CSMD1: variants seen among roughly 807,000 people sequenced by gnomAD.
CSMD1 encodes CUB and sushi domain-containing protein 1.
A neutral mutation model predicts 417.5 loss-of-function variants in CSMD1; 213 were observed. The observed-to-expected ratio is 0.51, with a 90% CI of 0.46 to 0.57. The LOEUF is 0.57. CSMD1 is among the 20% of genes least tolerant of loss of function. CSMD1 has a pLI of 0.00. For synonymous variants in CSMD1, 2,862 were observed against 1,736.8 expected (o/e 1.65, Z -16.11); for missense variants, 6,923 against 4,529.7 (o/e 1.53, Z -15.17).
chr8:4,464,098 A>C (rs987968169), intron 2 of CSMD1, among the ~76,000 whole-genome samples: 3 of 152,184 alleles, frequency 2.0e-5, no homozygotes, highest in East Asian at 1.9e-4. Flanking sequence ...CAGTTTTCTA[A>C]AAGAATGAGA....
At chr8:4,465,916 G>C (rs890275623) in intron 2 of CSMD1, among the ~76,000 whole-genome samples, 1 of 152,152 alleles carries the variant, frequency 6.6e-6, no homozygotes, top group African/African-American at 2.4e-5. Context: ...CACAGCCATA[G>C]AAGAAGGAAA....
intron 5 of CSMD1, among the ~76,000 whole-genome samples, chr8:3,919,076 G>A (rs947653865): frequency 1.3e-5 from 2 of 151,290 alleles, no homozygotes; most frequent in Non-Finnish European, 1.5e-5. Flanking sequence ...CCATTCCATA[G>A]GGTGATTTTT....
intron 3 of CSMD1, among the ~76,000 whole-genome samples, chr8:4,240,686 T>C (rs746748257): frequency 1.3e-5 from 2 of 152,174 alleles, no homozygotes; most frequent in Non-Finnish European, 2.9e-5. Context: ...CATCCCCTAA[T>C]GTAAATGTAC....
chr8:3,641,336 A>C (rs1490674867), intron 7 of CSMD1, among the ~76,000 whole-genome samples: 3 of 152,106 alleles, frequency 2.0e-5, no homozygotes, highest in Non-Finnish European at 4.4e-5. Flanking sequence ...AATGGAACCA[A>C]CAATCCCCAA....
chr8:4,374,930 G>T (rs1017551708), intron 3 of CSMD1, among the ~76,000 whole-genome samples: 18 of 109,048 alleles, frequency 1.7e-4, no homozygotes, highest in Admixed American at 5.8e-4. Flanking sequence ...CAGAGTCTTA[G>T]AAAACAATGA....
At chr8:4,159,267 C>T (rs1463699131) in intron 3 of CSMD1, among the ~76,000 whole-genome samples, 3 of 152,108 alleles carry the variant, frequency 2.0e-5, no homozygotes, top group Non-Finnish European at 2.9e-5. Flanking sequence ...ATTGGGGTAG[C>T]ATTTAGTGTA....
chr8:3,563,542 T>C (rs1244569258), intron 10 of CSMD1, among the ~76,000 whole-genome samples: 1 of 146,536 alleles, frequency 6.8e-6, no homozygotes, highest in Non-Finnish European at 1.5e-5. Flanking sequence ...TCTTAAACCA[T>C]ATAAATACAC....
intron 3 of CSMD1, among the ~76,000 whole-genome samples, chr8:4,369,125 C>G (rs1308446971): frequency 6.6e-6 from 1 of 152,066 alleles, no homozygotes; most frequent in Admixed American, 6.6e-5. Flanking sequence ...AGCTGTTTCC[C>G]AGAGATTCTG....
chr8:4,836,390 A>C (rs7845860), intron 1 of CSMD1, among the ~76,000 whole-genome samples: 134,393 of 152,206 alleles, frequency 0.88, 60,215 homozygotes, highest in East Asian at 0.98. Context: ...ACTGACACTG[A>C]CGCCTCAGCT....
chr8:3,307,770 G>A lies in CSMD1; in HGVS notation c.3875C>T (p.Pro1292Leu). The change falls in exon 25 of 70, where the codon CCT (proline) becomes CTT (leucine). Residue 1292 changes from proline (P) to leucine (L), a missense_variant. Physicochemically the swap from Pro to Leu is moderately conservative, Grantham distance 98. Transcript: ENST00000635120. ...GTTGTCATACGGAGCTGGATAGCCAGGGGACAATATTCGTCCTGATGTGGC... is the reference window on the plus strand; with the variant it reads ...GTTGTCATACGGAGCTGGATAGCCAAGGGACAATATTCGTCCTGATGTGGC... ...HAATSGRILS[P>L]GYPAPYDNNL... 1.2e-6 allele frequency: 2 copies of A among 1,613,672 alleles called. No homozygotes were observed. Among genetic ancestry groups the A allele is most frequent in the Non-Finnish European group, 1.7e-6 (2 of 1,179,684 alleles).
chr8:4,102,974 G>C (rs935187493), intron 3 of CSMD1, among the ~76,000 whole-genome samples: 2 of 152,102 alleles, frequency 1.3e-5, no homozygotes, highest in African/African-American at 4.8e-5. Context: ...AACACGTGCA[G>C]AGCCAGCAAA....
intron 3 of CSMD1, among the ~76,000 whole-genome samples, chr8:4,146,292 G>C (rs964816986): frequency 6.6e-6 from 1 of 151,066 alleles, no homozygotes; most frequent in Non-Finnish European, 1.5e-5. Flanking sequence ...AGTCGGCACA[G>C]TGCCATAGCC....
chr8:4,057,135 A>G (rs1486059258), intron 3 of CSMD1, among the ~76,000 whole-genome samples: 1 of 152,200 alleles, frequency 6.6e-6, no homozygotes, highest in Non-Finnish European at 1.5e-5. Flanking sequence ...GGGTTGAACT[A>G]GTTTACAGTC....
At position 3,118,643 on chromosome 8, in the gene CSMD1, G is replaced by C. The variant is rs533804575; in HGVS notation, c.6242-56C>G. ...TATATTTGTGAGGTTAAATTACTTC[G>C]GAATTTGCAGGAGTGTCATCACATG... is the stretch of plus-strand genomic sequence containing the variant. On this transcript the variant is annotated intron_variant, in intron 41 of 69. Transcript: ENST00000635120. The C allele has an allele frequency of 1.1e-5, 16 of 1,490,460 alleles. No individual in the cohort carries two copies. In the South Asian group the frequency reaches 1.1e-4, roughly 10 times the overall value. 92.3% of individuals were successfully genotyped at this position (1,490,460 alleles called of 1,614,324 possible).
At chr8:3,989,425 G>C (rs759081686) in intron 5 of CSMD1, among the ~76,000 whole-genome samples, 3 of 152,192 alleles carry the variant, frequency 2.0e-5, no homozygotes, top group Non-Finnish European at 2.9e-5. Flanking sequence ...CTCCAAGCTA[G>C]GTAAGAGCGG....
Position 4,886,333 on chromosome 8 carries a change from A to AT in CSMD1, c.85+107998dup, listed in dbSNP as rs545421585. Among the ~76,000 whole-genome samples the AT allele has an allele frequency of 8.6e-5, 13 of 151,782 alleles. No homozygotes were observed. In the South Asian group the frequency reaches 1.9e-3, roughly 22 times the overall value. ...ATCTAGTTGTTCCAGCACTATATAT[A>AT]TTTTTTTATTTTATGTATATTATAA... On this transcript the variant is annotated intron_variant, in intron 1 of 69. Coordinates refer to ENST00000635120, the MANE Select transcript of CSMD1 (RefSeq NM_033225.6).
intron 2 of CSMD1, among the ~76,000 whole-genome samples, chr8:4,547,380 C>T (rs1257278773): frequency 6.6e-6 from 1 of 152,212 alleles, no homozygotes; most frequent in Non-Finnish European, 1.5e-5. Flanking sequence ...GAAAATATTA[C>T]TTTCTTCTTT....
intron 7 of CSMD1, among the ~76,000 whole-genome samples, chr8:3,691,671 A>G (rs1800250372): frequency 6.6e-6 from 1 of 152,200 alleles, no homozygotes; most frequent in African/African-American, 2.4e-5. Context: ...CACTGGGCTA[A>G]GTATTTTTTA....
At chr8:3,315,008 T>C (rs1177153497) in intron 23 of CSMD1, among the ~76,000 whole-genome samples, 1 of 152,218 alleles carries the variant, frequency 6.6e-6, no homozygotes, top group East Asian at 1.9e-4. Flanking sequence ...TACTGGTCAT[T>C]TTTGAATCTC....
Sources: gnomAD v4.1 joint callset for allele counts (sites outside exome capture counted in the v4.1 genomes callset) on GRCh38, gnomAD v4.1.1 for gene constraint, MANE v1.5 for transcripts, NCBI Gene and HGNC (gene_info 2026-07-23, HGNC 2026-07-21) for gene names.